RMI1: variants seen among roughly 807,000 people sequenced by gnomAD.
RMI1 encodes RecQ mediated genome instability 1, also known as recQ-mediated genome instability protein 1.
A neutral mutation model predicts 46.7 loss-of-function variants in RMI1; 36 were observed. The ratio of observed to expected loss-of-function variants is 0.77; its 90% CI spans 0.59 to 1.02. The LOEUF is 1.02. Among genes scored for constraint, RMI1 ranks in the 50% least tolerant of loss-of-function variants. The pLI, the probability that RMI1 is intolerant of heterozygous loss-of-function variation, is 0.00. For synonymous variants in RMI1, 250 were observed against 252.9 expected (o/e 0.99, Z 0.11); for missense variants, 676 against 713.7 (o/e 0.95, Z 0.60).
chr9:83,983,274 A>G (rs1957445621), intron 1 of RMI1, among the ~76,000 whole-genome samples: 1 of 152,222 alleles, frequency 6.6e-6, no homozygotes. Flanking sequence ...ATCCAAGGTC[A>G]CATAGCAAAA....
At chr9:83,990,659 A>T (rs996405020) in intron 1 of RMI1, among the ~76,000 whole-genome samples, 6 of 152,224 alleles carry the variant, frequency 3.9e-5, no homozygotes, top group Non-Finnish European at 8.8e-5. Flanking sequence ...GAAGTGATAG[A>T]TATCCTAATT....
chr9:83,998,227 T>C (rs970764970), intron 1 of RMI1, among the ~76,000 whole-genome samples: 7 of 152,224 alleles, frequency 4.6e-5, no homozygotes, highest in African/African-American at 1.7e-4. Flanking sequence ...TTTTGTACTT[T>C]TGAATTTTTA....
At chr9:83,985,731 G>A (rs1422238692) in intron 1 of RMI1, among the ~76,000 whole-genome samples, 3 of 152,192 alleles carry the variant, frequency 2.0e-5, no homozygotes, top group Non-Finnish European at 4.4e-5. Flanking sequence ...ACATACGGCC[G>A]GGCGCGGTGG....
chr9:84,002,801 A>G lies in RMI1; in HGVS notation c.1815A>G (p.Val605=). ...SFNPSLSKAM[V]LALQDVNMEH... is the part of the protein sequence containing the mutation. Reference sequence around the variant, plus strand: ...ATCCTTCCTTGTCTAAAGCAATGGTACTGGCATTACAAGATGTTAATATGG... The same window carrying G: ...ATCCTTCCTTGTCTAAAGCAATGGTGCTGGCATTACAAGATGTTAATATGG... Residue 605 remains valine, a synonymous_variant, in exon 3 of 3, where the codon GTA becomes GTG. Transcript: ENST00000445877. 1 of 1,606,054 alleles carries G rather than the reference A, an allele frequency of 6.2e-7. No individual in the cohort carries two copies. Among genetic ancestry groups the G allele is most frequent in the Non-Finnish European group, 8.5e-7 (1 of 1,173,392 alleles).
intron 1 of RMI1, among the ~76,000 whole-genome samples, chr9:83,991,251 C>T (rs550506886): frequency 8.0e-5 from 12 of 150,812 alleles, no homozygotes; most frequent in African/African-American, 9.7e-5. Flanking sequence ...ATAGAACAGA[C>T]GTTTTAAATT....
chr9:83,984,536 T>G (rs1402371849), intron 1 of RMI1, among the ~76,000 whole-genome samples: 1 of 151,660 alleles, frequency 6.6e-6, no homozygotes, highest in East Asian at 1.9e-4. Flanking sequence ...CCTACCAAAG[T>G]GCTGGGATTA....
intron 1 of RMI1, among the ~76,000 whole-genome samples, chr9:83,997,089 G>A (rs1957666302): frequency 6.9e-6 from 1 of 144,938 alleles, no homozygotes; most frequent in Non-Finnish European, 1.5e-5. Context: ...AAAGGTAGAG[G>A]TAAGTCCAAC....
rs778536913 is a variant in RMI1, at chr9:84,001,917, T to A, written c.931T>A (p.Leu311Ile). The A allele has an allele frequency of 6.2e-7, 1 of 1,614,036 alleles. No homozygotes were observed. ...NLSIHVMDGE[L>I]DDFSLEEALL... ...ATCTATACATGTAATGGATGGAGAA[T>A]TAGATGACTTTTCACTGGAGGAGGC... Residue 311 changes from leucine to isoleucine, a missense_variant, in exon 3 of 3, where the codon TTA becomes ATA. Physicochemically the swap from Leu to Ile is conservative, Grantham distance 5 (BLOSUM62 2). Transcript: ENST00000445877.
chr9:83,993,970 G>C (rs1221316933), intron 1 of RMI1, among the ~76,000 whole-genome samples: 1 of 143,192 alleles, frequency 7.0e-6, no homozygotes, highest in Admixed American at 7.2e-5. Flanking sequence ...TTTTTGTAGA[G>C]ATGGGGTTTC....
At chr9:83,994,927 T>C (rs1374278675) in intron 1 of RMI1, among the ~76,000 whole-genome samples, 5 of 152,180 alleles carry the variant, frequency 3.3e-5, no homozygotes, top group African/African-American at 1.2e-4. Flanking sequence ...TAAGTGTAGA[T>C]TAAAAAAATA....
chr9:84,001,198 A>G lies in RMI1; in HGVS notation c.212A>G (p.Asp71Gly). The G allele has an allele frequency of 6.2e-7, 1 of 1,614,144 alleles. No individual in the cohort carries two copies. Among genetic ancestry groups the G allele is most frequent in the Non-Finnish European group, 8.5e-7 (1 of 1,179,984 alleles). Reference sequence around the variant, plus strand: ...GATTTGGAGCATCCTCTTTTACCCGATGGCATTTTAGAAATTCCAAAAGGA... The same window carrying G: ...GATTTGGAGCATCCTCTTTTACCCGGTGGCATTTTAGAAATTCCAAAAGGA... ...LRDLEHPLLP[D>G]GILEIPKGEL... Residue 71 changes from aspartate to glycine, a missense_variant, in exon 3 of 3, where the codon GAT becomes GGT. Coordinates refer to ENST00000445877, the MANE Select transcript of RMI1 (RefSeq NM_001358291.2).
Position 84,001,430 on chromosome 9 carries a change from A to G in RMI1, c.444A>G (p.Gly148=), listed in dbSNP as rs1957735026. ...QLTDGIVQIQ[G]MEYQPIPILH... is the part of the protein sequence containing the mutation. ...CTGATGGAATCGTACAAATACAGGGAATGGAATATCAGCCTATTCCAATTC... is the reference window on the plus strand; with the variant it reads ...CTGATGGAATCGTACAAATACAGGGGATGGAATATCAGCCTATTCCAATTC... The change falls in exon 3 of 3, where the codon GGA becomes GGG. Residue 148 remains glycine (G), a synonymous_variant. Transcript: ENST00000445877. 1.9e-6 allele frequency: 3 copies of G among 1,614,118 alleles called. No homozygotes were observed. Among genetic ancestry groups the G allele is most frequent in the Non-Finnish European group, 2.5e-6 (3 of 1,179,996 alleles).
At position 84,002,779 on chromosome 9, in the gene RMI1, C is replaced by G; in HGVS notation, c.1793C>G (p.Pro598Arg). 6.2e-7 allele frequency: 1 copy of G among 1,612,340 alleles called. No homozygotes were observed. The highest frequency in any genetic ancestry group is 8.5e-7 in the Non-Finnish European group (1 of 1,178,616). Residue 598 changes from proline to arginine, a missense_variant, in exon 3 of 3, where the codon CCT becomes CGT. Pro to Arg is a moderately radical substitution (Grantham distance 103). Coordinates refer to ENST00000445877, the MANE Select transcript of RMI1 (RefSeq NM_001358291.2). ...TGTCTAATGACTATTTCATTTAATC[C>G]TTCCTTGTCTAAAGCAATGGTACTG... ...LCCLMTISFN[P>R]SLSKAMVLAL...
At position 84,003,046 on chromosome 9, in the gene RMI1, C is replaced by CTTT. The variant is rs10602387; in HGVS notation, c.*197_*199dup. 1.7e-4 allele frequency: 55 copies of CTTT among 318,754 alleles called. No individual in the cohort carries two copies. The highest frequency in any genetic ancestry group is 3.4e-4 in the East Asian group (6 of 17,812). The allele number at this position is 318,754 out of a possible 1,614,324, so 19.7% of individuals were successfully genotyped here. ...GTGGAGCTTTTGAAAATAAGTTAATCTTTTTTTTTTTTTTTTTAATGTCAG... is the reference window on the plus strand; with the variant it reads ...GTGGAGCTTTTGAAAATAAGTTAATCTTTTTTTTTTTTTTTTTTTTAATGTCAG... On this transcript the variant is annotated 3_prime_UTR_variant, in exon 3 of 3. Coordinates refer to ENST00000445877, the MANE Select transcript of RMI1 (RefSeq NM_001358291.2).
At chr9:83,985,785 G>T (rs1262928112) in intron 1 of RMI1, among the ~76,000 whole-genome samples, 1 of 152,178 alleles carries the variant, frequency 6.6e-6, no homozygotes, top group Non-Finnish European at 1.5e-5. Context: ...GAGGCGGGTG[G>T]ATCACGAGGT....
At chr9:83,989,667 CAAA>C (rs34101686) in intron 1 of RMI1, among the ~76,000 whole-genome samples, 17 of 142,006 alleles carry the variant, frequency 1.2e-4, no homozygotes, top group African/African-American at 4.6e-4. Flanking sequence ...ATCAAAAAGA[CAAA>C]AAAAAAAATA....
chr9:83,991,336 A>G (rs1398641308), intron 1 of RMI1, among the ~76,000 whole-genome samples: 2 of 150,234 alleles, frequency 1.3e-5, no homozygotes, highest in Non-Finnish European at 3.0e-5. Context: ...TATTTTTTAG[A>G]GACAGGTTCT....
At chr9:83,988,517 A>G (rs1957524977) in intron 1 of RMI1, among the ~76,000 whole-genome samples, 2 of 151,930 alleles carry the variant, frequency 1.3e-5, no homozygotes, top group Admixed American at 6.6e-5. Context: ...TTGCTCAGGC[A>G]GGTATTGAAC....
chr9:83,999,160 GAATAA>G (rs1400763906), intron 1 of RMI1, among the ~76,000 whole-genome samples: 4 of 141,704 alleles, frequency 2.8e-5, no homozygotes, highest in African/African-American at 7.9e-5. Flanking sequence ...AAATAAAATA[GAATAA>G]AATAGAATAG....
Sources: gnomAD v4.1 joint callset for allele counts (sites outside exome capture counted in the v4.1 genomes callset) on GRCh38, gnomAD v4.1.1 for gene constraint, MANE v1.5 for transcripts, NCBI Gene and HGNC (gene_info 2026-07-23, HGNC 2026-07-21) for gene names.